RAB30: variants seen among roughly 807,000 people sequenced by gnomAD.
RAB30 encodes RAB30, member RAS oncogene family.
RAB30 carries 9 observed loss-of-function variants against 25.1 expected under a neutral mutation model. The ratio of observed to expected loss-of-function variants is 0.36; its 90% CI spans 0.22 to 0.63. The LOEUF (loss-of-function observed/expected upper bound fraction) is 0.63. Ranked by LOEUF, RAB30 falls within the 20% of genes least tolerant of loss-of-function variation. The pLI is 0.69. For missense variants in RAB30, 140 were observed against 243.5 expected (o/e 0.58, Z 2.83); for synonymous variants, 77 against 86.4 (o/e 0.89, Z 0.60).
At chr11:83,030,507 T>G (rs1171031754) in intron 1 of RAB30, among the ~76,000 whole-genome samples, 1 of 151,618 alleles carries the variant, frequency 6.6e-6, no homozygotes, top group Non-Finnish European at 1.5e-5. Flanking sequence ...CAAAAAAAAG[T>G]CTTTTTTTGG....
rs540382129 is a variant in RAB30, at chr11:82,982,934, G to A, written c.362-519C>T. 3.9e-5 allele frequency among the ~76,000 whole-genome samples: 6 copies of A among 152,200 alleles called. No individual in the cohort carries two copies. In the South Asian group the frequency reaches 1.2e-3, roughly 32 times the overall value. On this transcript the variant is annotated intron_variant, in intron 4 of 4. Transcript: ENST00000527633. ...ACTGGAGACAACCCAAATGTCCATC[G>A]GTAGGGCACTGACTGAATAAAGTAT...
rs1156323562 is a variant in RAB30, at chr11:83,021,060, C to T, written c.-8-23736G>A. On this transcript the variant is annotated intron_variant, in intron 1 of 4. Coordinates refer to ENST00000527633, the MANE Select transcript of RAB30 (RefSeq NM_001286060.2). Reference sequence around the variant, plus strand: ...CTGCGGAGAGGAGCTATCCTCTCCGCTAGGAGTTAAACACTCATCAGGACA... The same window carrying T: ...CTGCGGAGAGGAGCTATCCTCTCCGTTAGGAGTTAAACACTCATCAGGACA... 2.0e-5 allele frequency among the ~76,000 whole-genome samples: 3 copies of T among 152,186 alleles called. No homozygotes were observed. The East Asian group carries it at 5.8e-4, about 29-fold the overall frequency.
chr11:83,067,356 A>AG (rs919262168), intron 1 of RAB30, among the ~76,000 whole-genome samples: 1 of 152,208 alleles, frequency 6.6e-6, no homozygotes, highest in Non-Finnish European at 1.5e-5. Flanking sequence ...ACTAAAGCTC[A>AG]GAAAAAAAAA....
intron 1 of RAB30, among the ~76,000 whole-genome samples, chr11:83,045,290 G>T (rs1328556801): frequency 6.6e-6 from 1 of 152,006 alleles, no homozygotes; most frequent in African/African-American, 2.4e-5. Flanking sequence ...CCACAACTGT[G>T]CCCATATATA....
intron 1 of RAB30, among the ~76,000 whole-genome samples, chr11:83,019,020 T>C (rs1565278819): frequency 2.0e-5 from 3 of 152,208 alleles, no homozygotes; most frequent in Admixed American, 2.0e-4. Flanking sequence ...AAAGTTTTTT[T>C]GTGCTTTTTG....
At chr11:83,008,765 C>G (rs1284790656) in intron 1 of RAB30, among the ~76,000 whole-genome samples, 1 of 152,096 alleles carries the variant, frequency 6.6e-6, no homozygotes, top group Non-Finnish European at 1.5e-5. Flanking sequence ...TAACCCCTGT[C>G]CCCACTGCAC....
At chr11:83,012,369 G>A (rs908446672) in intron 1 of RAB30, among the ~76,000 whole-genome samples, 2 of 152,142 alleles carry the variant, frequency 1.3e-5, no homozygotes, top group African/African-American at 4.8e-5. Flanking sequence ...CCAGGGCTCT[G>A]GCTGCCCCCA....
At chr11:83,030,520 G>A (rs899816072) in intron 1 of RAB30, among the ~76,000 whole-genome samples, 2 of 151,632 alleles carry the variant, frequency 1.3e-5, no homozygotes, top group Non-Finnish European at 2.9e-5. Context: ...TTTTTTGGCT[G>A]CGTGTGGTAG....
intron 3 of RAB30, 118 bp from the exon 4 acceptor site, chr11:82,987,888 A>T: frequency 1.0e-5 from 2 of 193,436 alleles, no homozygotes; most frequent in Non-Finnish European, 2.0e-5. Context: ...AAACAATTTC[A>T]TGGTTATTTT....
chr11:83,011,480 G>T (rs950959106), intron 1 of RAB30, among the ~76,000 whole-genome samples: 2 of 152,144 alleles, frequency 1.3e-5, no homozygotes, highest in African/African-American at 2.4e-5. Flanking sequence ...ACCAATCAAG[G>T]TTCCTAACAC....
rs1856528829 is a variant in RAB30, at chr11:82,975,458, T to G, written c.*6707A>C. On this transcript the variant is annotated 3_prime_UTR_variant, in exon 5 of 5. Transcript: ENST00000527633. ...TTCTGTACATGAATTTTTTCTTTATTAGGCATTTTGTATTCCAATTTTTGT... is the reference window on the plus strand; with the variant it reads ...TTCTGTACATGAATTTTTTCTTTATGAGGCATTTTGTATTCCAATTTTTGT... The G allele has an allele frequency of 6.6e-6, 1 of 152,194 alleles. No homozygotes were observed. Among genetic ancestry groups the G allele is most frequent in the South Asian group, 2.1e-4 (1 of 4,832 alleles). The allele number at this position is 152,194 out of a possible 1,614,324, so 9.4% of individuals were successfully genotyped here.
intron 1 of RAB30, among the ~76,000 whole-genome samples, chr11:83,063,127 C>T (rs1183184274): frequency 1.3e-5 from 2 of 152,128 alleles, no homozygotes; most frequent in Non-Finnish European, 2.9e-5. Flanking sequence ...ACAATCTCTT[C>T]CCCAGGGTTC....
chr11:82,973,946 T>C lies in RAB30; in HGVS notation c.*8219A>G, dbSNP rs2121413440. On this transcript the variant is annotated 3_prime_UTR_variant, in exon 5 of 5. Transcript: ENST00000527633. ...AACATGAAAACAATGTACTGATTTATGCTACAACATGGATGAGCTTTAAAA... is the reference window on the plus strand; with the variant it reads ...AACATGAAAACAATGTACTGATTTACGCTACAACATGGATGAGCTTTAAAA... 6.6e-6 allele frequency: 1 copy of C among 152,334 alleles called. No homozygotes were observed. The highest frequency in any genetic ancestry group is 2.4e-5 in the African/African-American group (1 of 41,574). The allele number at this position is 152,334 out of a possible 1,614,324, so 9.4% of individuals were successfully genotyped here. A position where few individuals can be genotyped will look rare whatever the true frequency, so the allele number is the denominator to read the frequency against.
rs560097270 is a variant in RAB30 at position 82,974,198 on chromosome 11, G to A, written c.*7967C>T. On this transcript the variant is annotated 3_prime_UTR_variant, in exon 5 of 5. Transcript: ENST00000527633. ...TGATGTTGCACAACTTAGTGAATAT[G>A]ATTAAAAACATTGAAGTTTACACCT... The A allele has an allele frequency of 1.3e-5, 2 of 152,142 alleles. No individual in the cohort carries two copies. Among genetic ancestry groups the A allele is most frequent in the Non-Finnish European group, 2.9e-5 (2 of 68,000 alleles). 9.4% of individuals were successfully genotyped at this position (152,142 alleles called of 1,614,324 possible).
At chr11:83,066,380 A>G (rs1858696007) in intron 1 of RAB30, among the ~76,000 whole-genome samples, 1 of 152,226 alleles carries the variant, frequency 6.6e-6, no homozygotes, top group Non-Finnish European at 1.5e-5. Flanking sequence ...AATCTATATA[A>G]TTCAAAACTC....
At chr11:83,040,023 A>ATT (rs1858072548) in intron 1 of RAB30, among the ~76,000 whole-genome samples, 1 of 152,178 alleles carries the variant, frequency 6.6e-6, no homozygotes, top group African/African-American at 2.4e-5. Context: ...ACTGTTAATA[A>ATT]GAGTATAAGG....
chr11:83,051,685 A>T (rs955526766), intron 1 of RAB30, among the ~76,000 whole-genome samples: 3 of 143,690 alleles, frequency 2.1e-5, no homozygotes, highest in Non-Finnish European at 4.6e-5. Flanking sequence ...ACTTACAGTT[A>T]AAAAAAAAAA....
At chr11:83,029,732 C>A (rs1857808919) in intron 1 of RAB30, among the ~76,000 whole-genome samples, 1 of 152,144 alleles carries the variant, frequency 6.6e-6, no homozygotes, top group South Asian at 2.1e-4. Flanking sequence ...TTTTTACACA[C>A]ATCTACATGC....
chr11:82,999,771 T>C (rs1857037953), intron 1 of RAB30, among the ~76,000 whole-genome samples: 1 of 151,988 alleles, frequency 6.6e-6, no homozygotes, highest in African/African-American at 2.4e-5. Flanking sequence ...AGATCTCAGC[T>C]TCAACATGAC....
Sources: allele counts gnomAD v4.1 joint callset (sites outside exome capture counted in the v4.1 genomes callset), GRCh38; gene constraint gnomAD v4.1.1; transcripts MANE v1.5; gene names NCBI Gene and HGNC (gene_info 2026-07-23, HGNC 2026-07-21).